The following UHMK1 variants were observed in gnomAD, a reference collection of about 807,000 sequenced individuals.
The protein encoded by UHMK1 is serine/threonine-protein kinase Kist.
Under a neutral mutation model 44.0 loss-of-function variants are expected in UHMK1, and 18 were observed. The observed-to-expected ratio is 0.41, with a 90% CI of 0.28 to 0.61. UHMK1 has a LOEUF of 0.61. UHMK1 is among the 20% of genes least tolerant of loss of function. The pLI is 0.31. For missense variants in UHMK1, 463 were observed against 522.5 expected (o/e 0.89, Z 1.11); for synonymous variants, 231 against 198.5 (o/e 1.16, Z -1.38).
rs1652106109 is a variant in UHMK1, at chr1:162,522,761, T to C, written c.*211T>C. On this transcript the variant is annotated 3_prime_UTR_variant, in exon 8 of 8. Coordinates refer to ENST00000489294, the MANE Select transcript of UHMK1 (RefSeq NM_175866.5). ...ACCTCTCAGCTATACATTGAGGGGT[T>C]TTAGAGCATCCATGTGGGCAACCCT... 2.2e-6 allele frequency: 1 copy of C among 459,894 alleles called. No homozygotes were observed. Among genetic ancestry groups the C allele is most frequent in the Non-Finnish European group, 3.7e-6 (1 of 268,712 alleles). 28.5% of individuals were successfully genotyped at this position (459,894 alleles called of 1,614,324 possible). A position where few individuals can be genotyped will look rare whatever the true frequency, so the allele number is the denominator to read the frequency against.
In UHMK1 at chr1:162,512,788, A is replaced by G; in HGVS notation, c.989A>G (p.Asp330Gly). 1 of 1,614,136 alleles carries G rather than the reference A, an allele frequency of 6.2e-7. No individual in the cohort carries two copies. The highest frequency in any genetic ancestry group is 1.3e-5 in the African/African-American group (1 of 75,034). Residue 330 changes from aspartate to glycine, a missense_variant, in exon 6 of 8, where the codon GAT becomes GGT. Around this residue, in one of 3 missense-constraint regions of UHMK1, gnomAD observed 264 missense variants for 326.3 expected, o/e 0.81. Coordinates refer to ENST00000489294, the MANE Select transcript of UHMK1 (RefSeq NM_175866.5). ...GTGCTAAGACTGCTGAATGTGCTGG[A>G]TGATGATTATCTTGAGAATGAAGAG... Reference protein sequence around the residue: ...TPVLRLLNVLDDDYLENEEEY... With the variant: ...TPVLRLLNVLGDDYLENEEEY...
At position 162,526,615 on chromosome 1, in the gene UHMK1, C is replaced by T. The variant is rs931532576; in HGVS notation, c.*4065C>T. The T allele has an allele frequency of 1.3e-5, 2 of 152,028 alleles. No homozygotes were observed. The highest frequency in any genetic ancestry group is 2.9e-5 in the Non-Finnish European group (2 of 67,964). The allele number at this position is 152,028 out of a possible 1,614,324, so 9.4% of individuals were successfully genotyped here. On this transcript the variant is annotated 3_prime_UTR_variant, in exon 8 of 8. Transcript: ENST00000489294. ...TCCTGGAGTAACTTTTAGATTGAGTCACATATGATAGTATAAAAGTCCAAA... is the reference window on the plus strand; with the variant it reads ...TCCTGGAGTAACTTTTAGATTGAGTTACATATGATAGTATAAAAGTCCAAA...
chr1:162,508,702 C>CAA (rs111257399), intron 4 of UHMK1, among the ~76,000 whole-genome samples: 3 of 129,734 alleles, frequency 2.3e-5, no homozygotes, highest in African/African-American at 5.7e-5. Flanking sequence ...ACTCTGTCTT[C>CAA]AAAAAAAAAA....
chr1:162,512,660 T>C, intron 5 of UHMK1, 65 bp from the exon 6 acceptor site: 1 of 1,603,244 alleles, frequency 6.2e-7, no homozygotes. Flanking sequence ...CACAAGTTCC[T>C]TTATCTGGTG....
chr1:162,517,917 G>C (rs1244053711), intron 6 of UHMK1, among the ~76,000 whole-genome samples, 185 bp from the exon 7 acceptor site: 1 of 151,832 alleles, frequency 6.6e-6, no homozygotes, highest in Non-Finnish European at 1.5e-5. Flanking sequence ...TTGCCTTCAA[G>C]GAGAGTAGAA....
Position 162,522,582 on chromosome 1 carries a change from C to T in UHMK1, c.*32C>T. On this transcript the variant is annotated 3_prime_UTR_variant, in exon 8 of 8. Coordinates refer to ENST00000489294, the MANE Select transcript of UHMK1 (RefSeq NM_175866.5). ...ACCTAAGGACTGTTTCCTTTTTCTC[C>T]TCTTCCATTTCTTGGGTTATTCCAC... The T allele has an allele frequency of 6.2e-7, 1 of 1,601,716 alleles. No individual in the cohort carries two copies. The highest frequency in any genetic ancestry group is 8.5e-7 in the Non-Finnish European group (1 of 1,174,046).
Position 162,524,335 on chromosome 1 carries a change from G to A in UHMK1, c.*1785G>A, listed in dbSNP as rs1652164222. 1 of 152,196 alleles carries A rather than the reference G, an allele frequency of 6.6e-6. No individual in the cohort carries two copies. The allele number at this position is 152,196 out of a possible 1,614,324, so 9.4% of individuals were successfully genotyped here. ...AAACCAAATTTGGCATAAGGAGGCT[G>A]ATTTATGAATTACCAAAGGGTCTTG... On this transcript the variant is annotated 3_prime_UTR_variant, in exon 8 of 8. Coordinates refer to ENST00000489294, the MANE Select transcript of UHMK1 (RefSeq NM_175866.5).
chr1:162,517,758 G>A (rs537055134), intron 6 of UHMK1, among the ~76,000 whole-genome samples: 1 of 152,030 alleles, frequency 6.6e-6, no homozygotes, highest in Non-Finnish European at 1.5e-5. Flanking sequence ...GGTGGTGCAC[G>A]CCTGTAGTCC....
At position 162,500,060 on chromosome 1, in the gene UHMK1, C is replaced by G. The variant is rs752666220; in HGVS notation, c.374C>G (p.Ser125Cys). Residue 125 changes from serine to cysteine, a missense_variant, in exon 2 of 8, where the codon TCC (serine) becomes TGC (cysteine). Coordinates refer to ENST00000489294, the MANE Select transcript of UHMK1 (RefSeq NM_175866.5). ...DVSVSELLLYSSHQGCSMWMI... is the reference protein window; with the variant it reads ...DVSVSELLLYCSHQGCSMWMI... Reference sequence around the variant, plus strand: ...AGTGTTTCGGAATTGCTCTTATATTCCAGTCACCAGGGTTGTTCCATGTGG... The same window carrying G: ...AGTGTTTCGGAATTGCTCTTATATTGCAGTCACCAGGGTTGTTCCATGTGG... The G allele has an allele frequency of 1.2e-6, 2 of 1,614,164 alleles. No individual in the cohort carries two copies. Among genetic ancestry groups the G allele is most frequent in the Non-Finnish European group, 1.7e-6 (2 of 1,180,042 alleles).
At chr1:162,518,493 C>G (rs558690938) in intron 7 of UHMK1, among the ~76,000 whole-genome samples, 49 of 149,372 alleles carry the variant, frequency 3.3e-4, no homozygotes, top group African/African-American at 1.2e-3. Flanking sequence ...GTTAGGAGTT[C>G]AGAGATGGTG....
At position 162,498,014 on chromosome 1, in the gene UHMK1, G is replaced by C. The variant is rs1651115773; in HGVS notation, c.14G>C (p.Gly5Ala). The change falls in exon 1 of 8, where the codon GGC becomes GCC. Residue 5 changes from glycine (G) to alanine (A), a missense_variant. By Grantham distance (60) the Gly-to-Ala change is moderately conservative (BLOSUM62 0). This residue lies in a region of UHMK1 where 191 missense variants were observed against 176.0 expected (regional missense o/e 1.09). Transcript: ENST00000489294. ...TAACCCACACCGATGGCGGGATCCG[G>C]CTGCGCCTGGGGCGCGGAGCCGCCG... Reference protein sequence around the residue: MAGSGCAWGAEPPRF... With the variant: MAGSACAWGAEPPRF... 1.3e-6 allele frequency: 2 copies of C among 1,587,932 alleles called. No individual in the cohort carries two copies. Among genetic ancestry groups the C allele is most frequent in the Non-Finnish European group, 1.7e-6 (2 of 1,165,240 alleles).
At chr1:162,508,918 A>G (rs1303002569) in intron 4 of UHMK1, among the ~76,000 whole-genome samples, 1 of 151,970 alleles carries the variant, frequency 6.6e-6, no homozygotes, top group East Asian at 1.9e-4. Flanking sequence ...TTAGCCTCCA[A>G]AGTAGCTGGG....
intron 4 of UHMK1, among the ~76,000 whole-genome samples, chr1:162,510,254 C>T (rs976846191): frequency 1.3e-5 from 2 of 152,214 alleles, no homozygotes; most frequent in South Asian, 2.1e-4. Context: ...TTTCAAGAAT[C>T]CAATATATCA....
At chr1:162,511,198 T>C (rs1651657384) in intron 4 of UHMK1, among the ~76,000 whole-genome samples, 1 of 147,156 alleles carries the variant, frequency 6.8e-6, no homozygotes, top group South Asian at 2.1e-4. Flanking sequence ...TCTTTTTTTT[T>C]TTTTTTTTTT....
rs1271545520 is a variant in UHMK1, at chr1:162,500,175, C to G, written c.489C>G (p.Asn163Lys). The change falls in exon 2 of 8, where the codon AAC becomes AAG. Residue 163 changes from asparagine to lysine, a missense_variant. By Grantham distance (94) the Asn-to-Lys change is moderately conservative. Coordinates refer to ENST00000489294, the MANE Select transcript of UHMK1 (RefSeq NM_175866.5). ...GYVHADLKPRNILWSAENECF... is the reference protein window; with the variant it reads ...GYVHADLKPRKILWSAENECF... ...TCCATGCGGACCTCAAACCACGTAA[C>G]ATATTGTGGAGTGCAGAGAATGAAT... 1 of 1,614,188 alleles carries G rather than the reference C, an allele frequency of 6.2e-7. No individual in the cohort carries two copies. Among genetic ancestry groups the G allele is most frequent in the Non-Finnish European group, 8.5e-7 (1 of 1,180,036 alleles).
chr1:162,512,651 A>C, intron 5 of UHMK1, 74 bp from the exon 6 acceptor site: 1 of 1,602,340 alleles, frequency 6.2e-7, no homozygotes. Context: ...ATTTATATTC[A>C]CAAGTTCCTT....
At chr1:162,516,806 A>G (rs1396090914) in intron 6 of UHMK1, among the ~76,000 whole-genome samples, 2 of 152,214 alleles carry the variant, frequency 1.3e-5, no homozygotes, top group African/African-American at 2.4e-5. Flanking sequence ...AAACTGCAAT[A>G]TCTTTGTTAC....
intron 7 of UHMK1, among the ~76,000 whole-genome samples, chr1:162,519,666 TA>T (rs1651984462): frequency 1.3e-5 from 2 of 152,218 alleles, no homozygotes; most frequent in South Asian, 4.1e-4. Flanking sequence ...TTATTTGTAG[TA>T]TTTTTATTTT....
intron 4 of UHMK1, among the ~76,000 whole-genome samples, chr1:162,506,502 C>A (rs1651473563): frequency 6.6e-6 from 1 of 152,126 alleles, no homozygotes; most frequent in Non-Finnish European, 1.5e-5. Flanking sequence ...ACCATTCACA[C>A]CAAGAAATAA....
Sources: gnomAD v4.1 joint callset for allele counts (sites outside exome capture counted in the v4.1 genomes callset) on GRCh38, gnomAD v4.1.1 for gene constraint, gnomAD v4.1.1 regional missense constraint, MANE v1.5 for transcripts, NCBI Gene and HGNC (gene_info 2026-07-23, HGNC 2026-07-21) for gene names.